The following MAD2L2 variants were observed in gnomAD, a reference collection of about 807,000 sequenced individuals.
MAD2L2 encodes the protein mitotic arrest deficient 2 like 2, also known as mitotic spindle assembly checkpoint protein MAD2B.
In MAD2L2, 17 loss-of-function variants were observed where a neutral mutation model predicts 30.5. That is an observed-to-expected ratio of 0.56 (90% CI 0.38 to 0.84). The LOEUF (loss-of-function observed/expected upper bound fraction) is 0.84, where lower values mean the gene tolerates loss of function less well. Among genes scored for constraint, MAD2L2 ranks in the 40% least tolerant of loss-of-function variants. The pLI is 0.00. For synonymous variants in MAD2L2, 101 were observed against 113.9 expected, an observed-to-expected ratio of 0.89 and a Z score of 0.72; for missense variants, 213 against 277.4, an observed-to-expected ratio of 0.77 and a Z score of 1.65.
intron 3 of MAD2L2, among the ~76,000 whole-genome samples, chr1:11,679,985 GTTTTTTT>G (rs70983583): frequency 0.018 from 1,585 of 87,602 alleles, 31 homozygotes; most frequent in African/African-American, 0.066. Flanking sequence ...AGTGGAAGAG[GTTTTTTT>G]TTTTTTTTTT....
At chr1:11,689,452 C>T (rs1269985605) in intron 1 of MAD2L2, among the ~76,000 whole-genome samples, 2 of 151,954 alleles carry the variant, frequency 1.3e-5, no homozygotes, top group African/African-American at 2.4e-5. Context: ...ACAAAGTTAG[C>T]GGGCATGGTG....
In MAD2L2 at chr1:11,674,962, A is replaced by T; in HGVS notation, c.594+120T>A. 2 of 1,261,426 alleles carry T rather than the reference A, an allele frequency of 1.6e-6. No individual in the cohort carries two copies. The highest frequency in any genetic ancestry group is 2.3e-6 in the Non-Finnish European group (2 of 881,970). The allele number at this position is 1,261,426 out of a possible 1,614,324, so 78.1% of individuals were successfully genotyped here. A position where few individuals can be genotyped will look rare whatever the true frequency, so the allele number is the denominator to read the frequency against. On this transcript the variant is annotated intron_variant, in intron 8 of 8. Transcript: ENST00000376692. The surrounding 1 kb of genome is among the most constrained non-coding windows in gnomAD (Gnocchi z 6.1). Reference sequence around the variant, plus strand: ...GGTGGAGAAGAGTAGAGATGGGAGGAGCCCTCCACCAGGCACTCCCCCGTT... The same window carrying T: ...GGTGGAGAAGAGTAGAGATGGGAGGTGCCCTCCACCAGGCACTCCCCCGTT...
chr1:11,678,013 C>T (rs1480380153), intron 3 of MAD2L2, among the ~76,000 whole-genome samples: 1 of 139,998 alleles, frequency 7.1e-6, no homozygotes, highest in African/African-American at 2.7e-5. Flanking sequence ...GCCGAGATCA[C>T]GCCACTGCAC....
intron 5 of MAD2L2, 27 bp from the exon 6 acceptor site, chr1:11,676,167 C>A (rs746989382): frequency 8.2e-6 from 12 of 1,470,160 alleles, no homozygotes; most frequent in Non-Finnish European, 1.1e-5. Context: ...GTCTTCCCAT[C>A]ACACTGGCGC....
intron 3 of MAD2L2, among the ~76,000 whole-genome samples, chr1:11,678,829 C>G (rs1163753711): frequency 6.6e-6 from 1 of 152,210 alleles, no homozygotes; most frequent in Non-Finnish European, 1.5e-5. Flanking sequence ...TACCTAAACA[C>G]ACTCAAAACA....
At chr1:11,676,774 G>A (rs564187566) in intron 5 of MAD2L2, 74 bp downstream of exon 5, 32 of 1,189,038 alleles carry the variant, frequency 2.7e-5, no homozygotes, top group South Asian at 1.7e-4. Flanking sequence ...TTCAAGGGCC[G>A]CCTTAAAGGG....
At chr1:11,680,088 T>A (rs1213028278) in intron 3 of MAD2L2, among the ~76,000 whole-genome samples, 1 of 139,966 alleles carries the variant, frequency 7.1e-6, no homozygotes, top group African/African-American at 2.7e-5. Context: ...CTCCGCCTCC[T>A]GGGTTCAAGG....
intron 4 of MAD2L2, 190 bp downstream of exon 4, chr1:11,677,353 G>A (rs1228510238): frequency 3.2e-6 from 2 of 626,972 alleles, no homozygotes. Context: ...CCTGAACATG[G>A]CCCGCATGCC....
At position 11,680,563 on chromosome 1, in the gene MAD2L2, T is replaced by C. The variant is rs1377421376; in HGVS notation, c.39A>G (p.Gln13=). The C allele has an allele frequency of 3.1e-6, 5 of 1,600,874 alleles. No individual in the cohort carries two copies. The highest frequency in any genetic ancestry group is 4.3e-6 in the Non-Finnish European group (5 of 1,172,818). ...TLTRQDLNFG[Q]VVADVLCEFL... Reference sequence around the variant, plus strand: ...GGCCCGCAGGTCCAGCCTCCCTACCTTGGCCAAAGTTGAGGTCTTGTCGTG... The same window carrying C: ...GGCCCGCAGGTCCAGCCTCCCTACCCTGGCCAAAGTTGAGGTCTTGTCGTG... Residue 13 remains glutamine (Q), a splice_region_variant and synonymous_variant, in exon 2 of 9, where the codon CAA becomes CAG. Transcript: ENST00000376692.
rs775870279 is a variant in MAD2L2, at chr1:11,675,154, C to T, written c.522G>A (p.Ala174=). Residue 174 remains alanine (A), a synonymous_variant, in exon 8 of 9, where the codon GCG becomes GCA. Transcript: ENST00000376692. Reference sequence around the variant, plus strand: ...CATGCATGTGGACATCCTGCTCATCCGCCAGGATCCAGGGGAAATCCTAGG... The same window carrying T: ...CATGCATGTGGACATCCTGCTCATCTGCCAGGATCCAGGGGAAATCCTAGG... ...QVIKDFPWIL[A]DEQDVHMHDP... The T allele has an allele frequency of 6.9e-6, 11 of 1,601,866 alleles. No individual in the cohort carries two copies. The highest frequency in any genetic ancestry group is 2.2e-5 in the South Asian group (2 of 89,878).
chr1:11,680,318 C>G (rs1253190153), intron 3 of MAD2L2, 35 bp downstream of exon 3: 2 of 1,569,888 alleles, frequency 1.3e-6, no homozygotes, highest in Non-Finnish European at 8.8e-7. Context: ...AAAGTCCACC[C>G]TGTACCCACT....
At chr1:11,684,848 A>G (rs1016910469), upstream of MAD2L2, among the ~76,000 whole-genome samples, 1 of 151,946 alleles carries the variant, frequency 6.6e-6, no homozygotes, top group African/African-American at 2.4e-5. Flanking sequence ...TCCAGTTGCA[A>G]TGCTCCGGGG....
intron 1 of MAD2L2, among the ~76,000 whole-genome samples, chr1:11,686,481 C>A (rs748061833): frequency 1.6e-4 from 25 of 152,186 alleles, no homozygotes; most frequent in Non-Finnish European, 3.4e-4. Flanking sequence ...GTTACCCAGG[C>A]TGGTCTTGAA....
At chr1:11,685,764 C>G (rs559941360), upstream of MAD2L2, among the ~76,000 whole-genome samples, 3 of 152,148 alleles carry the variant, frequency 2.0e-5, no homozygotes, top group East Asian at 5.8e-4. Flanking sequence ...CGAGACCAGC[C>G]TGGGCAACAT....
At chr1:11,691,019 C>A (rs1433116760) in intron 1 of MAD2L2, among the ~76,000 whole-genome samples, 1 of 152,168 alleles carries the variant, frequency 6.6e-6, no homozygotes, top group Admixed American at 6.5e-5. Context: ...GGTGCGCCGT[C>A]AGCGCCCCAG....
chr1:11,679,525 C>T (rs1364123876), intron 3 of MAD2L2, among the ~76,000 whole-genome samples: 6 of 151,622 alleles, frequency 4.0e-5, no homozygotes, highest in Non-Finnish European at 7.4e-5. Context: ...ACCATGCCCC[C>T]AGGGTAACTT....
upstream of MAD2L2, among the ~76,000 whole-genome samples, chr1:11,683,735 G>T (rs575033338): frequency 1.5e-4 from 23 of 152,262 alleles, no homozygotes; most frequent in East Asian, 4.2e-3. Context: ...ACTTTGGGAG[G>T]CTGAGGCTGG....
At position 11,688,633 on chromosome 1, in the gene MAD2L2, T is replaced by C. The variant is rs1641005251; in HGVS notation, c.-692+2780A>G. Among the ~76,000 whole-genome samples, 1 of 152,092 alleles carries C rather than the reference T, an allele frequency of 6.6e-6. No individual in the cohort carries two copies. The highest frequency in any genetic ancestry group is 1.5e-5 in the Non-Finnish European group (1 of 68,026). ...TCGGATCATGTCTCTGCTCTGCTCA[T>C]GGTCCCTCTAAAAAGCTCAAGTCCT... is the stretch of plus-strand genomic sequence containing the variant. On this transcript the variant is annotated intron_variant, in intron 1 of 10. Coordinates refer to the MAD2L2 transcript ENST00000235310. This position sits in a 1 kb window ranked among gnomAD's most constrained non-coding sequence, Gnocchi z 4.6.
chr1:11,675,691 G>A lies in MAD2L2; in HGVS notation c.468C>T (p.Ala156=). 4 of 1,614,102 alleles carry A rather than the reference G, an allele frequency of 2.5e-6. No homozygotes were observed. Among genetic ancestry groups the A allele is most frequent in the Non-Finnish European group, 3.4e-6 (4 of 1,180,000 alleles). ...FTVLVHTREA[A]TRNMEKIQVI... ...CCTGGATCTTCTCCATGTTGCGAGT[G>A]GCGGCTTCTCTCGTGTGCACCAGGA... Residue 156 remains alanine (A), a synonymous_variant, in exon 7 of 9, where the codon GCC becomes GCT. Coordinates refer to ENST00000376692, the MANE Select transcript of MAD2L2 (RefSeq NM_006341.4).
Sources: gnomAD v4.1 joint callset for allele counts (sites outside exome capture counted in the v4.1 genomes callset) on GRCh38, gnomAD v4.1.1 for gene constraint, Gnocchi (gnomAD v3.1) non-coding constraint, MANE v1.5 for transcripts, NCBI Gene and HGNC (gene_info 2026-07-23, HGNC 2026-07-21) for gene names.